The following KCNQ4 variants were observed in gnomAD, a reference collection of about 807,000 sequenced individuals.
KCNQ4 encodes the protein potassium voltage-gated channel subfamily KQT member 4.
A neutral mutation model predicts 72.6 loss-of-function variants in KCNQ4; 31 were observed. That is an observed-to-expected ratio of 0.43 (90% CI 0.32 to 0.58). KCNQ4 has a LOEUF of 0.58. Among genes scored for constraint, KCNQ4 ranks in the 20% least tolerant of loss-of-function variants. KCNQ4 has a pLI of 0.08. For missense variants in KCNQ4, 869 were observed against 962.6 expected, an observed-to-expected ratio of 0.90 and a Z score of 1.29; for synonymous variants, 405 against 403.7, an observed-to-expected ratio of 1.00 and a Z score of -0.04.
chr1:40,816,897 C>T (rs201662348), intron 1 of KCNQ4, among the ~76,000 whole-genome samples: 12,141 of 152,200 alleles, frequency 0.08, 642 homozygotes, highest in East Asian at 0.24. Flanking sequence ...GCACTTCTCC[C>T]AAGACATCTT....
intron 1 of KCNQ4, among the ~76,000 whole-genome samples, chr1:40,814,071 G>A (rs77541666): frequency 4.1e-4 from 2 of 4,920 alleles, no homozygotes; most frequent in African/African-American, 6.4e-4. Context: ...TTTTTTTTTT[G>A]AGATGATGTC....
Position 40,788,616 on chromosome 1 carries a change from C to A in KCNQ4, c.314+4209C>A, listed in dbSNP as rs775436120. Among the ~76,000 whole-genome samples the A allele has an allele frequency of 2.0e-5, 3 of 152,152 alleles. No homozygotes were observed. The highest frequency in any genetic ancestry group is 4.4e-5 in the Non-Finnish European group (3 of 68,024). On this transcript the variant is annotated intron_variant, in intron 1 of 13. Coordinates refer to ENST00000347132, the MANE Select transcript of KCNQ4 (RefSeq NM_004700.4). This position sits in a 1 kb window ranked among gnomAD's most constrained non-coding sequence, Gnocchi z 4.5. ...AATGTGGAAGAGCCTCAGCCCGGAG[C>A]GGGGGCTGACTGGGAGCTGTTGCGC...
chr1:40,789,538 C>G (rs1021890269), intron 1 of KCNQ4, among the ~76,000 whole-genome samples: 2 of 152,134 alleles, frequency 1.3e-5, no homozygotes, highest in Non-Finnish European at 2.9e-5. Context: ...TACTGCCTTC[C>G]TCCTCCTCCT....
chr1:40,837,602 T>G lies in KCNQ4; in HGVS notation c.1746-63T>G. ...GCCTTCTCCTTCATCAGGCAACCTA[T>G]AATTCTTGTGGAAGGGAGGGACGGC... is the stretch of plus-strand genomic sequence containing the variant. On this transcript the variant is annotated intron_variant, in intron 12 of 13. Transcript: ENST00000347132. 1.9e-6 allele frequency: 3 copies of G among 1,579,954 alleles called. No homozygotes were observed. The South Asian group carries it at 3.5e-5, about 18-fold the overall frequency.
At chr1:40,830,419 G>C (rs1257735340) in intron 9 of KCNQ4, among the ~76,000 whole-genome samples, 1 of 152,184 alleles carries the variant, frequency 6.6e-6, no homozygotes, top group Non-Finnish European at 1.5e-5. Flanking sequence ...GCTGTACGAG[G>C]CCCTAAAACC....
At chr1:40,813,474 A>AGG (rs1403598567) in intron 1 of KCNQ4, among the ~76,000 whole-genome samples, 9 of 152,128 alleles carry the variant, frequency 5.9e-5, no homozygotes, top group Non-Finnish European at 1.3e-4. Flanking sequence ...GGAAGAATGA[A>AGG]GGAGCCTGAG....
chr1:40,787,092 A>G (rs796271891), intron 1 of KCNQ4, among the ~76,000 whole-genome samples: 10 of 152,292 alleles, frequency 6.6e-5, no homozygotes, highest in African/African-American at 2.4e-4. Context: ...AAGAGCCTGC[A>G]AGAGAAGGGC....
intron 4 of KCNQ4, 139 bp downstream of exon 4, chr1:40,818,819 C>A: frequency 5.1e-6 from 5 of 978,706 alleles, no homozygotes; most frequent in Non-Finnish European, 6.2e-6. Flanking sequence ...GGAGCCCTAG[C>A]AGGAGGCGAG....
rs2148331281 is a variant in KCNQ4 at position 40,833,177 on chromosome 1, G to A, written c.1613+64G>A. ...GCCACCCACTGCTGCTCCCCATCTG[G>A]GCGGGTGGATCACTTGAGGTCAGGA... On this transcript the variant is annotated intron_variant, in intron 11 of 13. Transcript: ENST00000347132. The A allele has an allele frequency of 3.2e-6, 4 of 1,234,960 alleles. No individual in the cohort carries two copies. In the East Asian group the frequency reaches 7.3e-5, roughly 22 times the overall value. The allele number at this position is 1,234,960 out of a possible 1,614,324, so 76.5% of individuals were successfully genotyped here. A position where few individuals can be genotyped will look rare whatever the true frequency, so the allele number is the denominator to read the frequency against.
At chr1:40,797,267 G>A (rs1001009356) in intron 1 of KCNQ4, among the ~76,000 whole-genome samples, 1 of 152,262 alleles carries the variant, frequency 6.6e-6, no homozygotes, top group African/African-American at 2.4e-5. Context: ...TGGCTGGGAA[G>A]GCTTCCCAGA....
intron 12 of KCNQ4, among the ~76,000 whole-genome samples, chr1:40,835,554 TCTC>T (rs1320234536): frequency 2.0e-5 from 3 of 152,110 alleles, no homozygotes; most frequent in Non-Finnish European, 2.9e-5. Context: ...ACCTTGCCCT[TCTC>T]CTCTTCTGGC....
At chr1:40,807,056 G>A (rs1647787006) in intron 1 of KCNQ4, among the ~76,000 whole-genome samples, 2 of 152,232 alleles carry the variant, frequency 1.3e-5, no homozygotes, top group African/African-American at 4.8e-5. Context: ...CAGGGGTGGG[G>A]CAGCCCAGGG....
At chr1:40,824,601 G>C (rs887545365) in intron 9 of KCNQ4, among the ~76,000 whole-genome samples, 1 of 152,126 alleles carries the variant, frequency 6.6e-6, no homozygotes, top group African/African-American at 2.4e-5. Context: ...CATCCCTCCC[G>C]GGAAGCTGGA....
chr1:40,802,569 C>T (rs865892573), intron 1 of KCNQ4, among the ~76,000 whole-genome samples: 5 of 151,558 alleles, frequency 3.3e-5, no homozygotes, highest in Admixed American at 6.6e-5. Flanking sequence ...GCCCCGCCCT[C>T]GCCGAGGCGG....
Position 40,838,989 on chromosome 1 carries a change from AC to A in KCNQ4, c.*469del, listed in dbSNP as rs1648898816. ...GGTGGGCCAAGGTGCCCCCACAGGT[AC>A]CCACAAAGCACAGGACCCTGCCACA... is the stretch of plus-strand genomic sequence containing the variant. On this transcript the variant is annotated 3_prime_UTR_variant, in exon 14 of 14. Coordinates refer to ENST00000347132, the MANE Select transcript of KCNQ4 (RefSeq NM_004700.4). 4.0e-6 allele frequency: 1 copy of A among 252,356 alleles called. No individual in the cohort carries two copies. Among genetic ancestry groups the A allele is most frequent in the Non-Finnish European group, 7.9e-6 (1 of 126,432 alleles). The allele number at this position is 252,356 out of a possible 1,614,324, so 15.6% of individuals were successfully genotyped here. A position where few individuals can be genotyped will look rare whatever the true frequency, so the allele number is the denominator to read the frequency against.
chr1:40,838,357 C>A lies in KCNQ4; in HGVS notation c.1922C>A (p.Ser641Ter), dbSNP rs1356285680. Residue 641 changes from serine to a stop codon, truncating the protein, a stop_gained, in exon 14 of 14, where the codon TCG (serine) becomes TAG (stop). Transcript: ENST00000347132. LOFTEE classifies it high-confidence loss of function. ...CTGGACCTGCTGTTGGGCTTCTATT[C>A]GCGCTGCCTGCGCTCTGGCACCTCG... ...HKLDLLLGFY[S>*]RCLRSGTSAS... The A allele has an allele frequency of 1.9e-6, 3 of 1,613,822 alleles. No homozygotes were observed. Among genetic ancestry groups the A allele is most frequent in the Non-Finnish European group, 2.5e-6 (3 of 1,179,954 alleles).
Position 40,824,088 on chromosome 1 carries a change from C to T in KCNQ4, c.1131-9C>T, listed in dbSNP as rs779293689. ...CCCTGCCTGCCACTGATGGTGCCCT[C>T]TCCTGCAGAGAGCTGGCCCTCTTGT... On this transcript the variant is annotated splice_polypyrimidine_tract_variant and intron_variant, in intron 8 of 13. Transcript: ENST00000347132. The T allele has an allele frequency of 2.6e-6, 4 of 1,550,698 alleles. No individual in the cohort carries two copies. Among genetic ancestry groups the T allele is most frequent in the Middle Eastern group, 2.0e-4 (1 of 5,110 alleles).
At chr1:40,826,838 C>G (rs1205683346) in intron 9 of KCNQ4, 3 of 353,184 alleles carry the variant, frequency 8.5e-6, no homozygotes, top group Non-Finnish European at 1.7e-5. Flanking sequence ...AACCCCTCGC[C>G]TTTCTGGGAT....
intron 1 of KCNQ4, among the ~76,000 whole-genome samples, chr1:40,810,282 AC>A (rs893977877): frequency 2.0e-5 from 3 of 151,770 alleles, no homozygotes; most frequent in Admixed American, 6.6e-5. Context: ...GGGCACCCCG[AC>A]CCCTGTCCAG....
Sources: gnomAD v4.1 joint callset for allele counts (sites outside exome capture counted in the v4.1 genomes callset) on GRCh38, gnomAD v4.1.1 for gene constraint, Gnocchi (gnomAD v3.1) non-coding constraint, MANE v1.5 for transcripts, NCBI Gene and HGNC (gene_info 2026-07-23, HGNC 2026-07-21) for gene names.